CNTNAP2: variants seen among roughly 807,000 people sequenced by gnomAD.
CNTNAP2 encodes contactin associated protein 2, also known as contactin-associated protein-like 2.
CNTNAP2 carries 98 observed loss-of-function variants against 155.2 expected under a neutral mutation model. The observed-to-expected ratio is 0.63, with a 90% CI of 0.54 to 0.75. The LOEUF (loss-of-function observed/expected upper bound fraction) is 0.75. Ranked by LOEUF, CNTNAP2 falls within the 30% of genes least tolerant of loss-of-function variation. The pLI is 0.00. For synonymous variants in CNTNAP2, 651 were observed against 631.2 expected (o/e 1.03, Z -0.47); for missense variants, 1,727 against 1,688.1 (o/e 1.02, Z -0.40).
chr7:146,257,908 G>A (rs1038918290), intron 1 of CNTNAP2, among the ~76,000 whole-genome samples: 2 of 150,450 alleles, frequency 1.3e-5, no homozygotes, highest in African/African-American at 4.9e-5. Flanking sequence ...TTTTGGAGAC[G>A]TGGTCTTGCT....
rs541949087 is a variant in CNTNAP2, at chr7:147,927,995, G to A, written c.2255+24274G>A. On this transcript the variant is annotated intron_variant, in intron 14 of 23. Coordinates refer to ENST00000361727, the MANE Select transcript of CNTNAP2 (RefSeq NM_014141.6). ...TTCCCACATGTGGTGGGAGGGACCTGGTGGGAGATCATTGAATTATGGGGC... is the reference window on the plus strand; with the variant it reads ...TTCCCACATGTGGTGGGAGGGACCTAGTGGGAGATCATTGAATTATGGGGC... 1.1e-4 allele frequency among the ~76,000 whole-genome samples: 16 copies of A among 152,298 alleles called. 1 individual carries two copies. Among genetic ancestry groups the A allele is most frequent in the Admixed American group, 6.5e-4 (10 of 15,298 alleles).
intron 1 of CNTNAP2, among the ~76,000 whole-genome samples, chr7:146,423,125 C>T (rs937017707): frequency 3.9e-5 from 6 of 151,912 alleles, no homozygotes; most frequent in Non-Finnish European, 7.4e-5. Flanking sequence ...CCTTTCTTTC[C>T]AGTCTTTTTA....
At chr7:148,415,382 T>TG (rs758266871) in intron 23 of CNTNAP2, 35 bp from the exon 24 acceptor site, 1 of 1,608,236 alleles carries the variant, frequency 6.2e-7, no homozygotes, top group Non-Finnish European at 8.5e-7. Flanking sequence ...TCCCAAGCCC[T>TG]GTCTAACCTC....
At chr7:146,264,820 A>G (rs572585146) in intron 1 of CNTNAP2, among the ~76,000 whole-genome samples, 4 of 152,328 alleles carry the variant, frequency 2.6e-5, no homozygotes, top group South Asian at 2.1e-4. Flanking sequence ...TTCAAAGCAG[A>G]TAGGGGGATC....
intron 9 of CNTNAP2, among the ~76,000 whole-genome samples, chr7:147,375,180 C>G (rs1192693150): frequency 2.0e-5 from 3 of 151,934 alleles, no homozygotes; most frequent in Admixed American, 2.0e-4. Flanking sequence ...AAACCTCTTT[C>G]CTTTACAAAT....
intron 1 of CNTNAP2, among the ~76,000 whole-genome samples, chr7:146,163,016 G>A (rs1030975647): frequency 1.3e-5 from 2 of 152,084 alleles, no homozygotes; most frequent in African/African-American, 4.8e-5. Context: ...GGGGGTTTGG[G>A]GGAGAGAGGA....
At chr7:147,600,060 T>C (rs536457930) in intron 12 of CNTNAP2, among the ~76,000 whole-genome samples, 1 of 152,176 alleles carries the variant, frequency 6.6e-6, no homozygotes, top group Admixed American at 6.5e-5. Context: ...AAATGACAAA[T>C]GGTTGTCAAG....
chr7:147,627,077 G>A (rs1313082475), intron 12 of CNTNAP2, among the ~76,000 whole-genome samples: 2 of 152,082 alleles, frequency 1.3e-5, no homozygotes, highest in Non-Finnish European at 2.9e-5. Flanking sequence ...AACAATCTCT[G>A]CGTTCCAGCT....
At chr7:147,996,453 G>C (rs1481643137) in intron 15 of CNTNAP2, among the ~76,000 whole-genome samples, 1 of 152,138 alleles carries the variant, frequency 6.6e-6, no homozygotes, top group Non-Finnish European at 1.5e-5. Context: ...GAATATTTGG[G>C]GGCAGACAGG....
At chr7:147,399,011 A>C (rs1796868901) in intron 10 of CNTNAP2, among the ~76,000 whole-genome samples, 1 of 152,002 alleles carries the variant, frequency 6.6e-6, no homozygotes, top group African/African-American at 2.4e-5. Context: ...CGTTGAAAAG[A>C]TAATATTACT....
At chr7:146,698,828 T>C (rs978472504) in intron 1 of CNTNAP2, among the ~76,000 whole-genome samples, 1 of 152,180 alleles carries the variant, frequency 6.6e-6, no homozygotes, top group Non-Finnish European at 1.5e-5. Context: ...ATTTTTTTAC[T>C]CTTTACATTG....
chr7:146,165,455 T>C (rs978954086), intron 1 of CNTNAP2, among the ~76,000 whole-genome samples: 7 of 152,202 alleles, frequency 4.6e-5, no homozygotes, highest in African/African-American at 1.7e-4. Flanking sequence ...ATTGTCTTTT[T>C]TGAAACATTT....
intron 16 of CNTNAP2, among the ~76,000 whole-genome samples, chr7:148,126,108 G>GT (rs1300202492): frequency 6.6e-6 from 1 of 152,076 alleles, no homozygotes; most frequent in African/African-American, 2.4e-5. Flanking sequence ...AAGGAGAAAA[G>GT]TTTCCTTGAA....
intron 9 of CNTNAP2, among the ~76,000 whole-genome samples, chr7:147,363,105 A>G (rs1796171835): frequency 6.6e-6 from 1 of 152,138 alleles, no homozygotes; most frequent in Non-Finnish European, 1.5e-5. Flanking sequence ...ATCCAACGGG[A>G]TGCTAATACG....
At chr7:147,956,215 G>A (rs917315821) in intron 14 of CNTNAP2, among the ~76,000 whole-genome samples, 1 of 151,592 alleles carries the variant, frequency 6.6e-6, no homozygotes, top group African/African-American at 2.4e-5. Flanking sequence ...ATACATGAGT[G>A]AATATTTATG....
Position 148,194,459 on chromosome 7 carries a change from G to A in CNTNAP2, c.3010+21981G>A, listed in dbSNP as rs778025565. Reference sequence around the variant, plus strand: ...TTGTCAGGTCCTTAAGCTCAGAAGCGATATTAGTCAAGGTTCCCCAGAGAA... The same window carrying A: ...TTGTCAGGTCCTTAAGCTCAGAAGCAATATTAGTCAAGGTTCCCCAGAGAA... On this transcript the variant is annotated intron_variant, in intron 18 of 23. Coordinates refer to ENST00000361727, the MANE Select transcript of CNTNAP2 (RefSeq NM_014141.6). Among the ~76,000 whole-genome samples the A allele has an allele frequency of 2.4e-4, 37 of 152,072 alleles. 1 individual carries two copies. Among genetic ancestry groups the A allele is most frequent in the Admixed American group, 1.6e-3 (24 of 15,276 alleles).
At chr7:148,135,745 A>G (rs947792173) in intron 16 of CNTNAP2, among the ~76,000 whole-genome samples, 4 of 149,112 alleles carry the variant, frequency 2.7e-5, no homozygotes, top group African/African-American at 9.9e-5. Flanking sequence ...GCTACTCGGG[A>G]GGCTGAGGCA....
At chr7:146,433,198 C>T (rs2129117414) in intron 1 of CNTNAP2, among the ~76,000 whole-genome samples, 1 of 152,244 alleles carries the variant, frequency 6.6e-6, no homozygotes, top group African/African-American at 2.4e-5. Context: ...TTGAATTTAG[C>T]ATATTTGTTA....
At chr7:147,529,395 G>T (rs1799388060) in intron 11 of CNTNAP2, among the ~76,000 whole-genome samples, 1 of 151,852 alleles carries the variant, frequency 6.6e-6, no homozygotes, top group Non-Finnish European at 1.5e-5. Context: ...TATATTATAG[G>T]CACTGTGCCA....
Sources: gnomAD v4.1 joint callset for allele counts (sites outside exome capture counted in the v4.1 genomes callset) on GRCh38, gnomAD v4.1.1 for gene constraint, MANE v1.5 for transcripts, NCBI Gene and HGNC (gene_info 2026-07-23, HGNC 2026-07-21) for gene names.